Variants in LRRTM4 observed in about 807,000 individuals in gnomAD.
LRRTM4 encodes leucine-rich repeat transmembrane neuronal protein 4.
LRRTM4 carries 25 observed loss-of-function variants against 47.6 expected under a neutral mutation model. That is an observed-to-expected ratio of 0.53 (90% confidence interval 0.38 to 0.73). The LOEUF is 0.73. Among genes scored for constraint, LRRTM4 ranks in the 30% least tolerant of loss-of-function variants. The pLI is 0.00. For missense variants in LRRTM4, 638 were observed against 713.4 expected (o/e 0.89, Z 1.20); for synonymous variants, 311 against 269.5 (o/e 1.15, Z -1.51).
intron 3 of LRRTM4, among the ~76,000 whole-genome samples, chr2:77,498,041 A>T (rs1678428041): frequency 6.6e-6 from 1 of 151,916 alleles, no homozygotes; most frequent in East Asian, 1.9e-4. Context: ...TAAACATGGC[A>T]GGGCTAGTGT....
At chr2:77,019,432 A>G (rs1417554481) in intron 3 of LRRTM4, among the ~76,000 whole-genome samples, 1 of 152,020 alleles carries the variant, frequency 6.6e-6, no homozygotes, top group East Asian at 1.9e-4. Flanking sequence ...CAAATTTCTA[A>G]CTTTCTATGT....
At chr2:77,284,287 T>C (rs1474044898) in intron 3 of LRRTM4, among the ~76,000 whole-genome samples, 1 of 152,120 alleles carries the variant, frequency 6.6e-6, no homozygotes, top group Non-Finnish European at 1.5e-5. Context: ...TACTTACATA[T>C]TGTCCTATAA....
At chr2:77,340,134 T>G (rs1259464711) in intron 3 of LRRTM4, among the ~76,000 whole-genome samples, 1 of 151,990 alleles carries the variant, frequency 6.6e-6, no homozygotes, top group Non-Finnish European at 1.5e-5. Context: ...GAGTAAATTT[T>G]CTTTTCACTA....
chr2:77,312,877 A>G (rs1677497819), intron 3 of LRRTM4, among the ~76,000 whole-genome samples: 2 of 152,212 alleles, frequency 1.3e-5, no homozygotes, highest in African/African-American at 4.8e-5. Flanking sequence ...AATGAGGTCA[A>G]GTGAGTGGTT....
At position 76,928,606 on chromosome 2, in the gene LRRTM4, CTGCTGG is replaced by C. The variant is rs780343293; in HGVS notation, c.1552-179696_1552-179691del. On this transcript the variant is annotated intron_variant, in intron 3 of 3. Coordinates refer to ENST00000409884, the MANE Select transcript of LRRTM4 (RefSeq NM_001134745.3). Reference sequence around the variant, plus strand: ...AATGATTTCAGGGCATAGAATAAAGCTGCTGGTGCTGGTGAGATGGGCATTCAGGGA... The same window carrying C: ...AATGATTTCAGGGCATAGAATAAAGCTGCTGGTGAGATGGGCATTCAGGGA... Among the ~76,000 whole-genome samples, 74 of 152,228 alleles carry C rather than the reference CTGCTGG, an allele frequency of 4.9e-4. 1 individual carries two copies. In the Middle Eastern group the frequency reaches 0.01, roughly 21 times the overall value.
intron 3 of LRRTM4, among the ~76,000 whole-genome samples, chr2:76,979,310 ATTG>A (rs1291560688): frequency 1.3e-5 from 2 of 151,908 alleles, no homozygotes; most frequent in African/African-American, 4.8e-5. Context: ...CTGCCTGCAG[ATTG>A]TTGAAGCCTA....
At chr2:77,062,422 G>A (rs954532629) in intron 3 of LRRTM4, among the ~76,000 whole-genome samples, 8 of 152,154 alleles carry the variant, frequency 5.3e-5, no homozygotes, top group African/African-American at 1.9e-4. Flanking sequence ...GAGTTGAGGA[G>A]AGTAGCTTAC....
chr2:77,009,881 A>AT (rs1677802724), intron 3 of LRRTM4: 1 of 151,890 alleles, frequency 6.6e-6, no homozygotes, highest in East Asian at 1.9e-4. Context: ...AGTCACTATC[A>AT]TATTATATTA....
intron 3 of LRRTM4, among the ~76,000 whole-genome samples, chr2:76,872,958 T>C (rs769641204): frequency 3.9e-5 from 6 of 152,080 alleles, no homozygotes; most frequent in Non-Finnish European, 8.8e-5. Context: ...TCCACTATGA[T>C]TGGAAACTTT....
intron 3 of LRRTM4, among the ~76,000 whole-genome samples, chr2:76,945,199 AAGAC>A (rs756811363): frequency 6.6e-6 from 1 of 152,110 alleles, no homozygotes; most frequent in Non-Finnish European, 1.5e-5. Flanking sequence ...CTGTAAAAAT[AAGAC>A]AGAATAAACA....
Position 77,045,193 on chromosome 2 carries a change from A to T in LRRTM4, c.1552-296277T>A, listed in dbSNP as rs983244994. Among the ~76,000 whole-genome samples, 6 of 151,970 alleles carry T rather than the reference A, an allele frequency of 3.9e-5. 2 individuals are homozygous for T. Among genetic ancestry groups the T allele is most frequent in the Middle Eastern group, 6.3e-3 (2 of 316 alleles). ...TGAACACAGAAATATGTGAATTTAA[A>T]GTCAGCATTCTTACTTTTTAAATGT... is the stretch of plus-strand genomic sequence containing the variant. On this transcript the variant is annotated intron_variant, in intron 3 of 3. Coordinates refer to ENST00000409884, the MANE Select transcript of LRRTM4 (RefSeq NM_001134745.3).
intron 3 of LRRTM4, among the ~76,000 whole-genome samples, chr2:77,296,126 C>G (rs1250320439): frequency 6.6e-6 from 1 of 152,096 alleles, no homozygotes; most frequent in Non-Finnish European, 1.5e-5. Flanking sequence ...ATTTCTTAAG[C>G]CTTTAAACTT....
chr2:77,167,987 T>A (rs942239751), intron 3 of LRRTM4, among the ~76,000 whole-genome samples: 1 of 152,022 alleles, frequency 6.6e-6, no homozygotes, highest in East Asian at 1.9e-4. Context: ...ACCAGTAAAA[T>A]TATTGTTTTA....
intron 3 of LRRTM4, among the ~76,000 whole-genome samples, chr2:77,264,653 G>A (rs1676004665): frequency 6.6e-6 from 1 of 152,080 alleles, no homozygotes; most frequent in Non-Finnish European, 1.5e-5. Context: ...ATTTTATTGA[G>A]ATTATTTGTC....
intron 3 of LRRTM4, among the ~76,000 whole-genome samples, chr2:76,901,304 T>C (rs1673623620): frequency 6.6e-6 from 1 of 152,162 alleles, no homozygotes; most frequent in Non-Finnish European, 1.5e-5. Flanking sequence ...ATGCAGTGTT[T>C]GGTTTTCTGT....
intron 3 of LRRTM4, among the ~76,000 whole-genome samples, chr2:76,760,885 T>C (rs1673228777): frequency 6.6e-6 from 1 of 152,138 alleles, no homozygotes. Context: ...GAGGAGTCAT[T>C]TGAGATTTCT....
intron 3 of LRRTM4, among the ~76,000 whole-genome samples, chr2:77,106,413 T>C (rs1216726707): frequency 6.6e-6 from 1 of 152,202 alleles, no homozygotes; most frequent in Admixed American, 6.5e-5. Context: ...TATTCATTTG[T>C]ATCACATGTT....
chr2:76,946,645 T>A (rs1348807823), intron 3 of LRRTM4, among the ~76,000 whole-genome samples: 1 of 151,796 alleles, frequency 6.6e-6, no homozygotes, highest in East Asian at 1.9e-4. Context: ...CCAGCTTCAA[T>A]TGAAGGAATA....
At chr2:77,194,603 G>A (rs1047566815) in intron 3 of LRRTM4, among the ~76,000 whole-genome samples, 2 of 152,184 alleles carry the variant, frequency 1.3e-5, no homozygotes, top group African/African-American at 4.8e-5. Flanking sequence ...TTGCTGGTAA[G>A]TTACTGTGAA....
Sources: allele counts gnomAD v4.1 joint callset (sites outside exome capture counted in the v4.1 genomes callset), GRCh38; gene constraint gnomAD v4.1.1; transcripts MANE v1.5; gene names NCBI Gene and HGNC (gene_info 2026-07-23, HGNC 2026-07-21).